RALGAPA2: variants seen among roughly 807,000 people sequenced by gnomAD.
RALGAPA2 encodes ral GTPase-activating protein subunit alpha-2.
In RALGAPA2, 139 loss-of-function variants were observed where a neutral mutation model predicts 230.4. That is an observed-to-expected ratio of 0.60 (90% confidence interval 0.53 to 0.69). The LOEUF is 0.69. Ranked by LOEUF, RALGAPA2 falls within the 30% of genes least tolerant of loss-of-function variation. The pLI is 0.00. For missense variants in RALGAPA2, 2,163 were observed against 2,276.0 expected, an observed-to-expected ratio of 0.95 and a Z score of 1.01; for synonymous variants, 847 against 837.8, an observed-to-expected ratio of 1.01 and a Z score of -0.19.
intron 20 of RALGAPA2, among the ~76,000 whole-genome samples, chr20:20,573,813 A>T (rs1318853100): frequency 6.6e-6 from 1 of 152,160 alleles, no homozygotes; most frequent in African/African-American, 2.4e-5. Context: ...TATTTTACAG[A>T]TGTGTCATAG....
At chr20:20,527,140 C>T (rs2145510743) in intron 27 of RALGAPA2, among the ~76,000 whole-genome samples, 1 of 152,282 alleles carries the variant, frequency 6.6e-6, no homozygotes, top group South Asian at 2.1e-4. Flanking sequence ...ATCTCATTAT[C>T]TATAGCAGGA....
rs1485720789 is a variant in RALGAPA2 at position 20,396,873 on chromosome 20, A to C, written c.5618-139T>G. The stretch of plus-strand genomic sequence containing the variant: ...TCTGCAGCCTTGTCAATCAGTAAAA[A>C]CTGAACATTCACTTGAAAATTCTAC... On this transcript the variant is annotated intron_variant, in intron 38 of 39. Coordinates refer to ENST00000202677, the MANE Select transcript of RALGAPA2 (RefSeq NM_020343.4). 17 of 712,942 alleles carry C rather than the reference A, an allele frequency of 2.4e-5. No individual in the cohort carries two copies. The Admixed American group carries it at 4.6e-4, about 19-fold the overall frequency. The allele number at this position is 712,942 out of a possible 1,614,324, so 44.2% of individuals were successfully genotyped here. A position where few individuals can be genotyped will look rare whatever the true frequency, so the allele number is the denominator to read the frequency against.
intron 16 of RALGAPA2, among the ~76,000 whole-genome samples, chr20:20,599,422 C>G (rs1199751607): frequency 6.6e-6 from 1 of 152,134 alleles, no homozygotes; most frequent in Non-Finnish European, 1.5e-5. Flanking sequence ...TTACGGTGTT[C>G]TTATGTTTTC....
chr20:20,508,070 C>A (rs778284374), intron 33 of RALGAPA2, among the ~76,000 whole-genome samples: 8 of 152,162 alleles, frequency 5.3e-5, no homozygotes, highest in Non-Finnish European at 1.2e-4. Context: ...AGTCCTTGAG[C>A]CCTCATTAAC....
chr20:20,394,255 A>G (rs1201684576), intron 39 of RALGAPA2, among the ~76,000 whole-genome samples: 1 of 152,106 alleles, frequency 6.6e-6, no homozygotes, highest in South Asian at 2.1e-4. Flanking sequence ...GCTTGGACCT[A>G]TGGAGGCAGC....
rs2065223454 is a variant in RALGAPA2, at chr20:20,589,418, G to C, written c.2342-53C>G. ...GGAAATAGAAGGAATGTTTCAGATAGTAAAACCGGAAAATGATTTTATATA... is the reference window on the plus strand; with the variant it reads ...GGAAATAGAAGGAATGTTTCAGATACTAAAACCGGAAAATGATTTTATATA... On this transcript the variant is annotated intron_variant, in intron 17 of 39. Transcript: ENST00000202677. 3 of 1,493,668 alleles carry C rather than the reference G, an allele frequency of 2.0e-6. No homozygotes were observed. In the South Asian group the frequency reaches 3.8e-5, roughly 19 times the overall value. The allele number at this position is 1,493,668 out of a possible 1,614,324, so 92.5% of individuals were successfully genotyped here. A position where few individuals can be genotyped will look rare whatever the true frequency, so the allele number is the denominator to read the frequency against.
intron 10 of RALGAPA2, among the ~76,000 whole-genome samples, chr20:20,628,613 T>C (rs1468828337): frequency 2.0e-5 from 3 of 152,174 alleles, no homozygotes; most frequent in Non-Finnish European, 2.9e-5. Flanking sequence ...ATTCTGGGCA[T>C]TGCAGGATAT....
chr20:20,456,285 C>T (rs755868456), intron 37 of RALGAPA2, among the ~76,000 whole-genome samples: 6 of 152,154 alleles, frequency 3.9e-5, no homozygotes, highest in Non-Finnish European at 7.3e-5. Flanking sequence ...TGTTAGATGC[C>T]GGAGACTGAA....
Position 20,629,419 on chromosome 20 carries a change from G to T in RALGAPA2, c.1177C>A (p.Arg393=). The change falls in exon 10 of 40, where the codon CGG becomes AGG. Residue 393 remains arginine (R), a synonymous_variant. Transcript: ENST00000202677. ...TAACCTCGTGTTGACAAGAGAATCC[G>T]CTGTACCATTTCATACACCATTCGG... ...EHRMVYEMVQ[R]ILLSTRGYVN... is the part of the protein sequence containing the mutation. 1 of 1,613,396 alleles carries T rather than the reference G, an allele frequency of 6.2e-7. No homozygotes were observed. The highest frequency in any genetic ancestry group is 8.5e-7 in the Non-Finnish European group (1 of 1,179,776).
chr20:20,456,176 C>T (rs1293269612), intron 37 of RALGAPA2, among the ~76,000 whole-genome samples: 1 of 152,234 alleles, frequency 6.6e-6, no homozygotes, highest in Non-Finnish European at 1.5e-5. Context: ...GGTGTAATTA[C>T]ATAAATGGCA....
intron 37 of RALGAPA2, among the ~76,000 whole-genome samples, chr20:20,452,286 T>C (rs2061004551): frequency 6.6e-6 from 1 of 152,344 alleles, no homozygotes; most frequent in African/African-American, 2.4e-5. Context: ...GTCACCATTG[T>C]AGAGCTTTGC....
At chr20:20,573,174 G>T in intron 20 of RALGAPA2, 106 bp from the exon 21 acceptor site, 2 of 1,008,132 alleles carry the variant, frequency 2.0e-6, no homozygotes, top group Non-Finnish European at 2.7e-6. Flanking sequence ...AATAATTAAG[G>T]CAAAAAATGT....
chr20:20,667,933 T>C (rs1448965864), intron 3 of RALGAPA2, among the ~76,000 whole-genome samples: 3 of 152,186 alleles, frequency 2.0e-5, no homozygotes, highest in Non-Finnish European at 2.9e-5. Flanking sequence ...CTCCAACCTG[T>C]GGAGGTAAAT....
chr20:20,400,215 A>G (rs1021998762), intron 38 of RALGAPA2, among the ~76,000 whole-genome samples: 6 of 152,212 alleles, frequency 3.9e-5, no homozygotes, highest in Non-Finnish European at 7.3e-5. Flanking sequence ...CCTAATTAAC[A>G]TCTCCAAATG....
Position 20,712,409 on chromosome 20 carries a change from C to A in RALGAPA2, c.72G>T (p.Val24=), listed in dbSNP as rs1458804271. The change falls in exon 1 of 40, where the codon GTG becomes GTT. Residue 24 remains valine (V), a synonymous_variant. Coordinates refer to ENST00000202677, the MANE Select transcript of RALGAPA2 (RefSeq NM_020343.4). The surrounding 1 kb of genome is among the most constrained non-coding windows in gnomAD (Gnocchi z 5.5). ...CCCGCAGGTGCTTCAGGCGGGTCAGCACGTCCTTCTTCGGGTCCAGCACCT... is the reference window on the plus strand; with the variant it reads ...CCCGCAGGTGCTTCAGGCGGGTCAGAACGTCCTTCTTCGGGTCCAGCACCT... ...TQKVLDPKKD[V]LTRLKHLRAL... 6.4e-7 allele frequency: 1 copy of A among 1,553,114 alleles called. No homozygotes were observed. The highest frequency in any genetic ancestry group is 8.7e-7 in the Non-Finnish European group (1 of 1,147,832).
At chr20:20,572,723 T>C (rs555499492) in intron 21 of RALGAPA2, among the ~76,000 whole-genome samples, 152 bp downstream of exon 21, 21 of 152,354 alleles carry the variant, frequency 1.4e-4, no homozygotes, top group South Asian at 4.1e-4. Context: ...TCATGTTATA[T>C]ATGATTATTC....
In RALGAPA2 at chr20:20,535,691, C is replaced by T. The variant is rs1282386358; in HGVS notation, c.3473+54G>A. On this transcript the variant is annotated intron_variant, in intron 26 of 39. Coordinates refer to ENST00000202677, the MANE Select transcript of RALGAPA2 (RefSeq NM_020343.4). ...TCTTTTGTAACATTAACTACTTACA[C>T]ATAAATGTGTATCTTAAAATTCTAA... is the stretch of plus-strand genomic sequence containing the variant. 2.6e-6 allele frequency: 4 copies of T among 1,523,628 alleles called. 1 individual carries two copies. In the South Asian group the frequency reaches 3.9e-5, roughly 15 times the overall value. The allele number at this position is 1,523,628 out of a possible 1,614,324, so 94.4% of individuals were successfully genotyped here. A position where few individuals can be genotyped will look rare whatever the true frequency, so the allele number is the denominator to read the frequency against.
chr20:20,532,676 A>G (rs1374332857), intron 26 of RALGAPA2, among the ~76,000 whole-genome samples: 1 of 152,212 alleles, frequency 6.6e-6, no homozygotes, highest in Non-Finnish European at 1.5e-5. Flanking sequence ...CTGAAGAGGC[A>G]GGTAAATAAA....
intron 31 of RALGAPA2, among the ~76,000 whole-genome samples, chr20:20,515,395 A>G (rs1424883085): frequency 1.3e-5 from 2 of 152,330 alleles, no homozygotes; most frequent in East Asian, 3.9e-4. Flanking sequence ...TTTTCCAAGG[A>G]GCAATACAGG....
Sources: gnomAD v4.1 joint callset for allele counts (sites outside exome capture counted in the v4.1 genomes callset) on GRCh38, gnomAD v4.1.1 for gene constraint, Gnocchi (gnomAD v3.1) non-coding constraint, MANE v1.5 for transcripts, NCBI Gene and HGNC (gene_info 2026-07-23, HGNC 2026-07-21) for gene names.